The following UPK1B variants were observed in gnomAD, a reference collection of about 807,000 sequenced individuals.
The protein encoded by UPK1B is uroplakin-1b.
A neutral mutation model predicts 34.2 loss-of-function variants in UPK1B; 28 were observed. That is an observed-to-expected ratio of 0.82 (90% CI 0.61 to 1.12). The LOEUF (loss-of-function observed/expected upper bound fraction) is 1.12, where lower values mean the gene tolerates loss of function less well. Among genes scored for constraint, UPK1B ranks in the 50% most tolerant of loss-of-function variants. UPK1B has a pLI of 0.00. For synonymous variants in UPK1B, 81 were observed against 110.4 expected, an observed-to-expected ratio of 0.73 and a Z score of 1.67; for missense variants, 325 against 320.9, an observed-to-expected ratio of 1.01 and a Z score of -0.10.
intron 1 of UPK1B, among the ~76,000 whole-genome samples, chr3:119,179,356 T>TAG (rs1559899974): frequency 5.5e-5 from 1 of 18,272 alleles, no homozygotes; most frequent in African/African-American, 2.2e-4. Flanking sequence ...GAGGGAGATA[T>TAG]ATATATATAT....
intron 6 of UPK1B, among the ~76,000 whole-genome samples, chr3:119,197,307 A>G (rs908903185): frequency 6.6e-6 from 1 of 152,232 alleles, no homozygotes; most frequent in Non-Finnish European, 1.5e-5. Flanking sequence ...AGGAAGATCA[A>G]GTAAAGTACC....
At chr3:119,203,737 C>A (rs745934430) in intron 7 of UPK1B, among the ~76,000 whole-genome samples, 180 bp from the exon 8 acceptor site, 15 of 152,174 alleles carry the variant, frequency 9.9e-5, no homozygotes, top group Non-Finnish European at 2.1e-4. Flanking sequence ...GTGTAACAAA[C>A]CTGCACGTTC....
At chr3:119,196,849 T>G (rs2078070168) in intron 6 of UPK1B, among the ~76,000 whole-genome samples, 1 of 152,114 alleles carries the variant, frequency 6.6e-6, no homozygotes, top group Admixed American at 6.5e-5. Flanking sequence ...GGTTTTTGTT[T>G]TGTTTTGTTT....
At chr3:119,182,080 C>T (rs189207243) in intron 1 of UPK1B, among the ~76,000 whole-genome samples, 3 of 152,338 alleles carry the variant, frequency 2.0e-5, no homozygotes, top group Non-Finnish European at 4.4e-5. Context: ...GCATGCAAGG[C>T]GGGCCCCTCC....
rs143644538 is a variant in UPK1B, at chr3:119,196,803, G to T, written c.649-2254G>T. 5.5e-4 allele frequency among the ~76,000 whole-genome samples: 84 copies of T among 152,138 alleles called. No homozygotes were observed. The East Asian group carries it at 0.016, about 28-fold the overall frequency. On this transcript the variant is annotated intron_variant, in intron 6 of 7. Transcript: ENST00000264234. ...TCCACCCACCTCAGCCTCCCAAAGT[G>T]CTGGGATTAAAGGAGTGAGCCACCG...
At position 119,190,313 on chromosome 3, in the gene UPK1B, A is replaced by G. The variant is rs1030369694; in HGVS notation, c.339A>G (p.Gln113=). 3 of 1,610,488 alleles carry G rather than the reference A, an allele frequency of 1.9e-6. No homozygotes were observed. The highest frequency in any genetic ancestry group is 2.7e-5 in the African/African-American group (2 of 74,834). The change falls in exon 4 of 8, where the codon CAA becomes CAG. Residue 113 remains glutamine, a synonymous_variant. Transcript: ENST00000264234. ...VASCITAATQ[Q]DFFTPNLFLK... ...CTTGTATCACAGCAGCAACACAACAAGACTTTGTGAGTACAACCTCAAAAA... is the reference window on the plus strand; with the variant it reads ...CTTGTATCACAGCAGCAACACAACAGGACTTTGTGAGTACAACCTCAAAAA...
At chr3:119,200,434 A>C (rs2078085998) in intron 7 of UPK1B, among the ~76,000 whole-genome samples, 1 of 152,224 alleles carries the variant, frequency 6.6e-6, no homozygotes, top group Non-Finnish European at 1.5e-5. Flanking sequence ...TGTTATGTTA[A>C]AATATATTAC....
At chr3:119,194,449 T>C in intron 6 of UPK1B, 51 bp downstream of exon 6, 1 of 1,515,666 alleles carries the variant, frequency 6.6e-7, no homozygotes, top group South Asian at 1.2e-5. Flanking sequence ...CTGCTCTTTA[T>C]GAGAAAAATA....
At chr3:119,179,990 G>A (rs578213158) in intron 1 of UPK1B, among the ~76,000 whole-genome samples, 4 of 151,912 alleles carry the variant, frequency 2.6e-5, no homozygotes, top group African/African-American at 9.7e-5. Context: ...TAGAGACGAG[G>A]TTTCTCCGTG....
intron 1 of UPK1B, among the ~76,000 whole-genome samples, chr3:119,179,366 T>G (rs867770588): frequency 0.025 from 1,250 of 50,952 alleles, 61 homozygotes; most frequent in Middle Eastern, 0.15. Context: ...TATATATATA[T>G]ATATATATAT....
intron 2 of UPK1B, 61 bp from the exon 3 acceptor site, chr3:119,187,714 C>T: frequency 2.6e-6 from 4 of 1,511,774 alleles, no homozygotes; most frequent in Middle Eastern, 2.2e-4. Flanking sequence ...ACCTTCCCCA[C>T]CCTCCACCCC....
chr3:119,190,696 C>A (rs2078039999), intron 4 of UPK1B, among the ~76,000 whole-genome samples: 1 of 152,182 alleles, frequency 6.6e-6, no homozygotes. Context: ...AAGACGTGCT[C>A]TCAATTCTAC....
intron 7 of UPK1B, among the ~76,000 whole-genome samples, chr3:119,199,720 T>G (rs990571079): frequency 6.6e-6 from 1 of 152,214 alleles, no homozygotes; most frequent in African/African-American, 2.4e-5. Flanking sequence ...TTAGTTGACC[T>G]GGGGGTTGAG....
At chr3:119,177,399 T>C (rs2077961942) in intron 1 of UPK1B, among the ~76,000 whole-genome samples, 1 of 152,214 alleles carries the variant, frequency 6.6e-6, no homozygotes, top group Admixed American at 6.5e-5. Context: ...GGTTAAGAGT[T>C]AGGAAACCTG....
chr3:119,199,228 GA>G lies in UPK1B; in HGVS notation c.732+91del. ...GCCACTGGTTACCTCAACCACACTA[GA>G]AAGTCTAGAAACAAAACCTCAGGCC... On this transcript the variant is annotated intron_variant, in intron 7 of 7. Coordinates refer to ENST00000264234, the MANE Select transcript of UPK1B (RefSeq NM_006952.4). 3 of 1,442,736 alleles carry G rather than the reference GA, an allele frequency of 2.1e-6. No individual in the cohort carries two copies. In the South Asian group the frequency reaches 3.7e-5, roughly 18 times the overall value. 89.4% of individuals were successfully genotyped at this position (1,442,736 alleles called of 1,614,324 possible).
At chr3:119,178,818 C>T (rs577291560) in intron 1 of UPK1B, among the ~76,000 whole-genome samples, 1 of 152,194 alleles carries the variant, frequency 6.6e-6, no homozygotes, top group African/African-American at 2.4e-5. Flanking sequence ...ATTTGAGAAC[C>T]TCTGCTTGAG....
rs143488015 is a variant in UPK1B, at chr3:119,194,395, T to G, written c.645T>G (p.Asn215Lys). ...CKLGVPGFYH[N>K]QGCYELISGP... The stretch of plus-strand genomic sequence containing the variant: ...TAGGCGTGCCTGGTTTTTATCACAA[T>G]CAGGTGAGTCCTCTCTCCTCCCAAG... Residue 215 changes from asparagine to lysine, a missense_variant, in exon 6 of 8, where the codon AAT (asparagine) becomes AAG (lysine). Transcript: ENST00000264234. The G allele has an allele frequency of 6.0e-4, 959 of 1,606,912 alleles. 6 individuals are homozygous for G. The highest frequency in any genetic ancestry group is 1.6e-3 in the Middle Eastern group (10 of 6,072).
At chr3:119,194,161 A>G in intron 5 of UPK1B, 58 bp from the exon 6 acceptor site, 2 of 1,489,682 alleles carry the variant, frequency 1.3e-6, no homozygotes, top group Non-Finnish European at 1.8e-6. Context: ...CAGTTGCTAC[A>G]TTGATGGCTC....
intron 7 of UPK1B, among the ~76,000 whole-genome samples, chr3:119,200,807 C>T (rs1333186556): frequency 1.3e-5 from 2 of 152,220 alleles, no homozygotes; most frequent in East Asian, 3.8e-4. Context: ...CAAGTCCAAA[C>T]AACCATAGCG....
Sources: allele counts gnomAD v4.1 joint callset (sites outside exome capture counted in the v4.1 genomes callset), GRCh38; gene constraint gnomAD v4.1.1; transcripts MANE v1.5; gene names NCBI Gene and HGNC (gene_info 2026-07-23, HGNC 2026-07-21).